Variants in EXOC4 observed in about 807,000 individuals in gnomAD.
EXOC4 encodes the protein exocyst complex component 4.
Under a neutral mutation model 107.2 loss-of-function variants are expected in EXOC4, and 71 were observed. The observed-to-expected ratio is 0.66, with a 90% CI of 0.55 to 0.81. EXOC4 has a LOEUF of 0.81. EXOC4 is among the 30% of genes least tolerant of loss of function. EXOC4 has a pLI of 0.00. For missense variants in EXOC4, 1,108 were observed against 1,189.6 expected, an observed-to-expected ratio of 0.93 and a Z score of 1.01; for synonymous variants, 456 against 441.2, an observed-to-expected ratio of 1.03 and a Z score of -0.42.
At chr7:133,852,703 G>A (rs925568545) in intron 11 of EXOC4, among the ~76,000 whole-genome samples, 6 of 152,056 alleles carry the variant, frequency 3.9e-5, no homozygotes, top group Admixed American at 1.3e-4. Context: ...CCTTTCCCCC[G>A]CTTTTAAAAA....
chr7:134,029,784 G>A (rs1795228388), intron 17 of EXOC4, among the ~76,000 whole-genome samples: 1 of 152,152 alleles, frequency 6.6e-6, no homozygotes, highest in Admixed American at 6.5e-5. Flanking sequence ...GCCTCCCAAA[G>A]GGTTGGGATT....
intron 11 of EXOC4, among the ~76,000 whole-genome samples, chr7:133,877,340 C>G (rs1315266728): frequency 6.6e-6 from 1 of 152,120 alleles, no homozygotes; most frequent in Non-Finnish European, 1.5e-5. Context: ...TTATTGGATG[C>G]TAGACATGCG....
At chr7:133,629,955 G>T in intron 9 of EXOC4, 90 bp from the exon 10 acceptor site, 1 of 845,212 alleles carries the variant, frequency 1.2e-6, no homozygotes, top group South Asian at 1.6e-5. Flanking sequence ...TCCTAATTAT[G>T]ACAGTATAGG....
chr7:133,565,236 C>G (rs959847199), intron 9 of EXOC4, among the ~76,000 whole-genome samples: 4 of 152,110 alleles, frequency 2.6e-5, no homozygotes, highest in African/African-American at 9.7e-5. Context: ...TTAGTTTGCT[C>G]TCCGAAGCAT....
chr7:133,537,243 C>A (rs1032072084), intron 9 of EXOC4, among the ~76,000 whole-genome samples: 1 of 151,710 alleles, frequency 6.6e-6, no homozygotes, highest in Non-Finnish European at 1.5e-5. Context: ...CTCCGCCTCC[C>A]AGGTTCAAGT....
Position 133,294,214 on chromosome 7 carries a change from C to G in EXOC4, c.471+5098C>G, listed in dbSNP as rs193199626. Among the ~76,000 whole-genome samples the G allele has an allele frequency of 1.4e-4, 22 of 152,220 alleles. No homozygotes were observed. In the East Asian group the frequency reaches 3.5e-3, roughly 24 times the overall value. On this transcript the variant is annotated intron_variant, in intron 3 of 17. Coordinates refer to ENST00000253861, the MANE Select transcript of EXOC4 (RefSeq NM_021807.4). ...TTAATATAAGAATAGCAGCTTCTTC[C>G]CAGTGGCATGAGCCAACCAGGAAGG... is the stretch of plus-strand genomic sequence containing the variant.
intron 17 of EXOC4, among the ~76,000 whole-genome samples, chr7:134,011,513 T>C (rs956980078): frequency 1.3e-5 from 2 of 152,156 alleles, no homozygotes; most frequent in Non-Finnish European, 2.9e-5. Context: ...TTGGTTTTTT[T>C]TGGACTGGTA....
chr7:133,322,682 G>T (rs1795142094), intron 5 of EXOC4, among the ~76,000 whole-genome samples: 1 of 152,148 alleles, frequency 6.6e-6, no homozygotes, highest in South Asian at 2.1e-4. Context: ...GTTTGCTTAG[G>T]ATTATCTTGG....
At chr7:133,981,452 C>T (rs1036477571) in intron 14 of EXOC4, among the ~76,000 whole-genome samples, 4 of 151,832 alleles carry the variant, frequency 2.6e-5, no homozygotes, top group African/African-American at 2.4e-5. Flanking sequence ...AGGACATGAA[C>T]AGATATTTTT....
chr7:133,280,296 T>G (rs1313293383), intron 2 of EXOC4, among the ~76,000 whole-genome samples: 1 of 152,208 alleles, frequency 6.6e-6, no homozygotes, highest in East Asian at 1.9e-4. Context: ...TGTTATTGCA[T>G]TGGTAAACCT....
intron 17 of EXOC4, among the ~76,000 whole-genome samples, chr7:134,033,445 C>T (rs1205174342): frequency 1.3e-5 from 2 of 152,124 alleles, no homozygotes; most frequent in Non-Finnish European, 2.9e-5. Flanking sequence ...ATCCCACCTG[C>T]TCATCCTAAA....
At chr7:133,734,819 G>A (rs1016501433) in intron 10 of EXOC4, among the ~76,000 whole-genome samples, 65 of 152,008 alleles carry the variant, frequency 4.3e-4, no homozygotes, top group Admixed American at 1.1e-3. Flanking sequence ...GATCCCAAGC[G>A]TTTTGGATAA....
intron 12 of EXOC4, among the ~76,000 whole-genome samples, chr7:133,901,466 G>A (rs146284920): frequency 3.3e-5 from 5 of 152,184 alleles, no homozygotes; most frequent in East Asian, 3.9e-4. Flanking sequence ...TCAAGAGCAG[G>A]CCCTACAGCT....
At chr7:133,465,170 TGAAAA>T (rs891023219) in intron 7 of EXOC4, among the ~76,000 whole-genome samples, 3 of 152,028 alleles carry the variant, frequency 2.0e-5, no homozygotes, top group Non-Finnish European at 2.9e-5. Flanking sequence ...TAGTCAAAGT[TGAAAA>T]GAAAAGGGGA....
At chr7:133,710,661 G>A (rs6963098) in intron 10 of EXOC4, among the ~76,000 whole-genome samples, 136,110 of 142,532 alleles carry the variant, frequency 0.95, 64,881 homozygotes, top group East Asian at 1. Flanking sequence ...CTCTGTCTCA[G>A]AAAAAAAAAA....
At chr7:133,486,809 T>C (rs1319923235) in intron 9 of EXOC4, among the ~76,000 whole-genome samples, 1 of 152,156 alleles carries the variant, frequency 6.6e-6, no homozygotes, top group Non-Finnish European at 1.5e-5. Flanking sequence ...TATGTAAGAT[T>C]TGTCTTATAA....
At chr7:133,892,604 C>G (rs1799220300) in intron 11 of EXOC4, among the ~76,000 whole-genome samples, 1 of 39,284 alleles carries the variant, frequency 2.5e-5, no homozygotes, top group Non-Finnish European at 4.2e-5. Context: ...TGAATGCATC[C>G]CAGAGATTCT....
intron 7 of EXOC4, among the ~76,000 whole-genome samples, chr7:133,415,543 C>T (rs1797455251): frequency 6.6e-6 from 1 of 151,956 alleles, no homozygotes; most frequent in Non-Finnish European, 1.5e-5. Flanking sequence ...TTCATGTGCA[C>T]ATTGACTGTA....
intron 17 of EXOC4, among the ~76,000 whole-genome samples, chr7:134,008,318 T>C (rs1382429625): frequency 3.9e-5 from 6 of 152,330 alleles, no homozygotes; most frequent in Non-Finnish European, 7.3e-5. Flanking sequence ...TTTAATTTTG[T>C]TTTCCCCTAT....
Sources: allele counts gnomAD v4.1 joint callset (sites outside exome capture counted in the v4.1 genomes callset), GRCh38; gene constraint gnomAD v4.1.1; transcripts MANE v1.5; gene names NCBI Gene and HGNC (gene_info 2026-07-23, HGNC 2026-07-21).